The following ROR2 variants were observed in gnomAD, a reference collection of about 807,000 sequenced individuals.
ROR2 encodes the protein tyrosine-protein kinase transmembrane receptor ROR2.
ROR2 carries 33 observed loss-of-function variants against 74.9 expected under a neutral mutation model. That is an observed-to-expected ratio of 0.44 (90% CI 0.33 to 0.59). The LOEUF is 0.59. Among genes scored for constraint, ROR2 ranks in the 20% least tolerant of loss-of-function variants. The pLI is 0.02. For synonymous variants in ROR2, 586 were observed against 558.7 expected (o/e 1.05, Z -0.69); for missense variants, 1,216 against 1,313.8 (o/e 0.93, Z 1.15).
At chr9:91,906,246 A>G (rs1035214983) in intron 1 of ROR2, among the ~76,000 whole-genome samples, 2 of 152,218 alleles carry the variant, frequency 1.3e-5, no homozygotes, top group Admixed American at 6.5e-5. Flanking sequence ...ACGACAGAGC[A>G]GGACTGGACA....
intron 1 of ROR2, among the ~76,000 whole-genome samples, chr9:91,853,264 C>T (rs576480440): frequency 6.6e-6 from 1 of 152,070 alleles, no homozygotes; most frequent in Non-Finnish European, 1.5e-5. Flanking sequence ...AGAGGGCGGG[C>T]GAGTTTAACG....
chr9:91,878,574 G>A (rs1477909792), intron 1 of ROR2, among the ~76,000 whole-genome samples: 7 of 152,300 alleles, frequency 4.6e-5, no homozygotes, highest in African/African-American at 1.4e-4. Flanking sequence ...CTCCCCCCTT[G>A]CACATCCAGT....
At chr9:91,829,321 T>C (rs1370076266) in intron 1 of ROR2, among the ~76,000 whole-genome samples, 2 of 152,006 alleles carry the variant, frequency 1.3e-5, no homozygotes, top group Non-Finnish European at 2.9e-5. Flanking sequence ...GGCAGATGAA[T>C]TGCCTGAGCT....
chr9:91,925,301 T>C (rs1831367532), intron 1 of ROR2, among the ~76,000 whole-genome samples: 1 of 152,082 alleles, frequency 6.6e-6, no homozygotes, highest in South Asian at 2.1e-4. Flanking sequence ...GACATTAACT[T>C]ACACAGCTCT....
In ROR2 at chr9:91,922,460, T is replaced by G. The variant is rs1279658046; in HGVS notation, c.97+27407A>C. ...TGTTCTACTTAAATAATTTTTTTAT[T>G]TTTTATTTTTTGAGATGGAGTCTCA... On this transcript the variant is annotated intron_variant, in intron 1 of 8. Coordinates refer to ENST00000375708, the MANE Select transcript of ROR2 (RefSeq NM_004560.4). Among the ~76,000 whole-genome samples, 3 of 152,066 alleles carry G rather than the reference T, an allele frequency of 2.0e-5. No homozygotes were observed. In the East Asian group the frequency reaches 5.8e-4, roughly 29 times the overall value.
At chr9:91,743,749 G>A (rs1465145174) in intron 4 of ROR2, among the ~76,000 whole-genome samples, 1 of 152,124 alleles carries the variant, frequency 6.6e-6, no homozygotes, top group Non-Finnish European at 1.5e-5. Context: ...AGAGGCCCAT[G>A]GACCAACTGG....
intron 1 of ROR2, among the ~76,000 whole-genome samples, chr9:91,913,454 T>A (rs1481016729): frequency 6.6e-6 from 1 of 152,244 alleles, no homozygotes. Flanking sequence ...CAAAAAATTC[T>A]ATGTTGTATC....
intron 1 of ROR2, among the ~76,000 whole-genome samples, chr9:91,859,179 G>A (rs922237133): frequency 1.3e-5 from 2 of 149,926 alleles, no homozygotes; most frequent in Non-Finnish European, 3.0e-5. Flanking sequence ...TGCCAAGAAG[G>A]ACCATCTGAA....
chr9:91,825,230 A>G (rs1828251403), intron 1 of ROR2, among the ~76,000 whole-genome samples: 1 of 152,174 alleles, frequency 6.6e-6, no homozygotes, highest in Non-Finnish European at 1.5e-5. Context: ...GACACGCAAT[A>G]AAGTTAAAGC....
At chr9:91,730,861 G>T in intron 7 of ROR2, 49 bp downstream of exon 7, 1 of 1,612,530 alleles carries the variant, frequency 6.2e-7, no homozygotes, top group South Asian at 1.1e-5. Flanking sequence ...CTCATCACAA[G>T]GTTCACTCAA....
At chr9:91,869,959 A>G (rs578130114) in intron 1 of ROR2, among the ~76,000 whole-genome samples, 1 of 152,340 alleles carries the variant, frequency 6.6e-6, no homozygotes, top group Non-Finnish European at 1.5e-5. Context: ...AGTAACCTAC[A>G]ATCCGTGGGC....
At chr9:91,820,358 GGGC>G (rs1828099665) in intron 1 of ROR2, among the ~76,000 whole-genome samples, 3 of 152,170 alleles carry the variant, frequency 2.0e-5, no homozygotes, top group African/African-American at 7.2e-5. Context: ...ATGGACACCA[GGGC>G]CCCAGCAGAG....
Position 91,724,095 on chromosome 9 carries a change from T to G in ROR2, c.2399A>C (p.Gln800Pro), listed in dbSNP as rs758757733. 117 of 1,611,214 alleles carry G rather than the reference T, an allele frequency of 7.3e-5. No individual in the cohort carries two copies. The East Asian group carries it at 2.6e-3, about 35-fold the overall frequency. Reference sequence around the variant, plus strand: ...GATCTGGCCCTTCATGGGGATGAACTGGGGCTGTGGGAAGGGCGGGGCCTT... The same window carrying G: ...GATCTGGCCCTTCATGGGGATGAACGGGGGCTGTGGGAAGGGCGGGGCCTT... ...KQKAPPFPQP[Q>P]FIPMKGQIRP... Residue 800 changes from glutamine (Q) to proline (P), a missense_variant, in exon 9 of 9, where the codon CAG becomes CCG. Physicochemically the swap from Gln to Pro is moderately conservative, Grantham distance 76. Transcript: ENST00000375708.
chr9:91,926,153 G>A (rs1199804298), intron 1 of ROR2, among the ~76,000 whole-genome samples: 2 of 151,968 alleles, frequency 1.3e-5, no homozygotes, highest in Middle Eastern at 6.8e-3. Flanking sequence ...AGGCCGAGGC[G>A]GGAGGATCAT....
At chr9:91,760,868 T>C (rs1825893985) in intron 2 of ROR2, among the ~76,000 whole-genome samples, 1 of 152,222 alleles carries the variant, frequency 6.6e-6, no homozygotes, top group Non-Finnish European at 1.5e-5. Flanking sequence ...GTAATTTTCT[T>C]AATATAGATC....
intron 1 of ROR2, among the ~76,000 whole-genome samples, chr9:91,864,238 A>C (rs188442535): frequency 6.6e-6 from 1 of 152,190 alleles, no homozygotes; most frequent in African/African-American, 2.4e-5. Flanking sequence ...ATTACTGGAC[A>C]CTGCACCCAG....
chr9:91,776,716 A>G (rs1310376138), intron 1 of ROR2, among the ~76,000 whole-genome samples: 1 of 152,186 alleles, frequency 6.6e-6, no homozygotes, highest in Non-Finnish European at 1.5e-5. Context: ...TAAAGACTTC[A>G]GTTTGGATTT....
At chr9:91,746,056 TG>T (rs1378443977) in intron 4 of ROR2, among the ~76,000 whole-genome samples, 1 of 151,992 alleles carries the variant, frequency 6.6e-6, no homozygotes, top group Non-Finnish European at 1.5e-5. Context: ...TAAGGTGGCT[TG>T]GTTTTTTTGT....
rs535583176 is a variant in ROR2 at position 91,768,932 on chromosome 9, C to A, written c.175+6809G>T. On this transcript the variant is annotated intron_variant, in intron 2 of 8. Transcript: ENST00000375708. ...GGGTCCCCTACTTGGATCAAAGGTG[C>A]CTCGAACATGGCCTTCAGCCTCCAG... 9.9e-4 allele frequency among the ~76,000 whole-genome samples: 151 copies of A among 152,290 alleles called. 1 individual carries two copies. Among genetic ancestry groups the A allele is most frequent in the African/African-American group, 3.6e-3 (148 of 41,568 alleles).
Sources: gnomAD v4.1 joint callset for allele counts (sites outside exome capture counted in the v4.1 genomes callset) on GRCh38, gnomAD v4.1.1 for gene constraint, MANE v1.5 for transcripts, NCBI Gene and HGNC (gene_info 2026-07-23, HGNC 2026-07-21) for gene names.